Variants in RNF125 observed in about 807,000 individuals in gnomAD.
The protein encoded by RNF125 is E3 ubiquitin-protein ligase RNF125.
In RNF125, 21 loss-of-function variants were observed where a neutral mutation model predicts 26.0. The observed-to-expected ratio is 0.81, with a 90% CI of 0.57 to 1.16. RNF125 has a LOEUF of 1.16. Among genes scored for constraint, RNF125 ranks in the 50% most tolerant of loss-of-function variants. RNF125 has a pLI of 0.00. For synonymous variants in RNF125, 95 were observed against 109.2 expected (o/e 0.87, Z 0.81); for missense variants, 270 against 299.4 (o/e 0.90, Z 0.72).
intron 1 of RNF125, among the ~76,000 whole-genome samples, chr18:32,032,994 G>A (rs2039114065): frequency 6.6e-6 from 1 of 152,188 alleles, no homozygotes; most frequent in Non-Finnish European, 1.5e-5. Flanking sequence ...TGACTTTCAG[G>A]GAGTGAAATG....
rs148058867 is a variant in RNF125 at position 32,026,016 on chromosome 18, C to T, written c.164+6989C>T. 3.5e-3 allele frequency among the ~76,000 whole-genome samples: 526 copies of T among 150,990 alleles called. 3 individuals carry two copies. The highest frequency in any genetic ancestry group is 0.012 in the African/African-American group (511 of 41,226). ...TTTGAAAGAGAACAGAGAATATCAG[C>T]TATTAATTAAGCTGGCTTTTGACCA... is the stretch of plus-strand genomic sequence containing the variant. On this transcript the variant is annotated intron_variant, in intron 1 of 5. Coordinates refer to ENST00000217740, the MANE Select transcript of RNF125 (RefSeq NM_017831.4).
chr18:32,034,640 C>A (rs1038927234), intron 1 of RNF125, among the ~76,000 whole-genome samples: 2 of 152,078 alleles, frequency 1.3e-5, no homozygotes, highest in African/African-American at 4.8e-5. Context: ...TGGCCGGGCA[C>A]AGTGGCTCAT....
chr18:32,031,658 A>G (rs2039098048), intron 1 of RNF125, among the ~76,000 whole-genome samples: 1 of 152,152 alleles, frequency 6.6e-6, no homozygotes, highest in African/African-American at 2.4e-5. Context: ...CATAAATTTC[A>G]TTCAAGACTA....
At chr18:32,077,016 A>G (rs945018091), downstream of RNF125, among the ~76,000 whole-genome samples, 4 of 152,110 alleles carry the variant, frequency 2.6e-5, no homozygotes, top group African/African-American at 9.7e-5. Context: ...TTTCATTTTT[A>G]TTGGTTATTT....
intron 4 of RNF125, among the ~76,000 whole-genome samples, chr18:32,049,446 TCACTC>T (rs2039303334): frequency 6.6e-6 from 1 of 152,158 alleles, no homozygotes; most frequent in African/African-American, 2.4e-5. Context: ...CTCCTGGTGA[TCACTC>T]CATTAATAGA....
chr18:32,082,997 G>T, the RNF125 span, among the ~76,000 whole-genome samples: 1 of 152,188 alleles, frequency 6.6e-6, no homozygotes, highest in Non-Finnish European at 1.5e-5. Context: ...AGCTAGATTT[G>T]TTGGCAATAG....
At chr18:32,066,331 C>T (rs879473272) in intron 5 of RNF125, among the ~76,000 whole-genome samples, 4 of 151,962 alleles carry the variant, frequency 2.6e-5, no homozygotes, top group African/African-American at 9.7e-5. Context: ...TGGTGGTACA[C>T]GCCTGTAGTC....
intron 1 of RNF125, among the ~76,000 whole-genome samples, chr18:32,027,283 T>C (rs537958309): frequency 1.3e-5 from 2 of 152,074 alleles, no homozygotes; most frequent in East Asian, 3.9e-4. Flanking sequence ...GCATGCAATT[T>C]GAGTACAAAG....
At chr18:32,042,374 T>C (rs1371864007) in intron 3 of RNF125, 101 bp downstream of exon 3, 1 of 718,648 alleles carries the variant, frequency 1.4e-6, no homozygotes, top group Non-Finnish European at 2.3e-6. Flanking sequence ...TATTTACATA[T>C]TTATGTTTAT....
At chr18:32,076,058 C>A, downstream of RNF125, 3 of 716,258 alleles carry the variant, frequency 4.2e-6, no homozygotes, top group Non-Finnish European at 7.7e-6. Flanking sequence ...GGGCTAATCA[C>A]TCTACACTTG....
intron 5 of RNF125, among the ~76,000 whole-genome samples, chr18:32,066,501 T>C (rs2039486868): frequency 6.6e-6 from 1 of 151,930 alleles, no homozygotes; most frequent in Admixed American, 6.6e-5. Flanking sequence ...TAAAATTTAA[T>C]AACGATTGAA....
chr18:32,045,861 CTG>C (rs758018778), intron 4 of RNF125, 129 bp downstream of exon 4: 7 of 576,796 alleles, frequency 1.2e-5, no homozygotes, highest in Admixed American at 3.1e-5. Context: ...TATGGTAACT[CTG>C]TGACTGTTTA....
the RNF125 span, among the ~76,000 whole-genome samples, chr18:32,088,119 A>G: frequency 6.6e-6 from 1 of 152,230 alleles, no homozygotes; most frequent in Non-Finnish European, 1.5e-5. Context: ...AATATTTGCT[A>G]AAATAAAAAT....
At chr18:32,066,192 G>C (rs549098741) in intron 5 of RNF125, 183 bp downstream of exon 5, 1 of 410,720 alleles carries the variant, frequency 2.4e-6, no homozygotes, top group South Asian at 2.9e-5. Context: ...GCTCACGCCT[G>C]TAATCCCAAC....
Position 32,068,450 on chromosome 18 carries a change from G to T in RNF125, c.*66G>T, listed in dbSNP as rs2144520031. 1.1e-6 allele frequency: 1 copy of T among 929,032 alleles called. No homozygotes were observed. Among genetic ancestry groups the T allele is most frequent in the Non-Finnish European group, 1.8e-6 (1 of 565,718 alleles). 57.5% of individuals were successfully genotyped at this position (929,032 alleles called of 1,614,324 possible). A position where few individuals can be genotyped will look rare whatever the true frequency, so the allele number is the denominator to read the frequency against. ...CATTTAAGATGCTGCTTGAACAAATGGGAGGGAAGTTGTCAATGATTGATG... is the reference window on the plus strand; with the variant it reads ...CATTTAAGATGCTGCTTGAACAAATTGGAGGGAAGTTGTCAATGATTGATG... On this transcript the variant is annotated 3_prime_UTR_variant, in exon 6 of 6. Coordinates refer to ENST00000217740, the MANE Select transcript of RNF125 (RefSeq NM_017831.4).
At chr18:32,042,647 C>T (rs139211890) in intron 3 of RNF125, among the ~76,000 whole-genome samples, 1 of 151,908 alleles carries the variant, frequency 6.6e-6, no homozygotes, top group East Asian at 1.9e-4. Context: ...CACCACTGCT[C>T]ATTTCACCAG....
In RNF125 at chr18:32,072,992, G is replaced by A. The variant is rs2039545719; in HGVS notation, c.*4608G>A. 6.9e-6 allele frequency: 1 copy of A among 145,716 alleles called. No homozygotes were observed. Among genetic ancestry groups the A allele is most frequent in the Admixed American group, 6.9e-5 (1 of 14,508 alleles). The allele number at this position is 145,716 out of a possible 1,614,324, so 9.0% of individuals were successfully genotyped here. A position where few individuals can be genotyped will look rare whatever the true frequency, so the allele number is the denominator to read the frequency against. On this transcript the variant is annotated 3_prime_UTR_variant, in exon 6 of 6. Coordinates refer to ENST00000217740, the MANE Select transcript of RNF125 (RefSeq NM_017831.4). ...TGGAAGTGAACTTACTCCAGTTATT[G>A]AATGTTTATCATATCATAATTTGCA...
chr18:32,035,705 C>T (rs1440059579), intron 1 of RNF125, among the ~76,000 whole-genome samples: 2 of 152,132 alleles, frequency 1.3e-5, no homozygotes, highest in Non-Finnish European at 2.9e-5. Context: ...CAAAACTGAT[C>T]TTTGTTATTA....
chr18:32,037,364 CTTTTTTTTTTTT>C (rs796828237), intron 2 of RNF125, 95 bp downstream of exon 2: 51 of 132,874 alleles, frequency 3.8e-4, no homozygotes, highest in African/African-American at 1.6e-3. Context: ...TGGTACGCAC[CTTTTTTTTTTTT>C]TTTTTTTTTT....
Sources: allele counts gnomAD v4.1 joint callset (sites outside exome capture counted in the v4.1 genomes callset), GRCh38; gene constraint gnomAD v4.1.1; transcripts MANE v1.5; gene names NCBI Gene and HGNC (gene_info 2026-07-23, HGNC 2026-07-21).